Variants in ARID4B observed in about 807,000 individuals in gnomAD.
ARID4B encodes AT-rich interactive domain-containing protein 4B.
In ARID4B, 26 loss-of-function variants were observed where a neutral mutation model predicts 147.5. The ratio of observed to expected loss-of-function variants is 0.18; its 90% CI spans 0.13 to 0.24. The LOEUF (loss-of-function observed/expected upper bound fraction) is 0.24. ARID4B is among the 10% of genes least tolerant of loss of function. ARID4B has a pLI of 1.00. For missense variants in ARID4B, 1,179 were observed against 1,511.5 expected, an observed-to-expected ratio of 0.78 and a Z score of 3.65; for synonymous variants, 512 against 507.9, an observed-to-expected ratio of 1.01 and a Z score of -0.11.
At chr1:235,308,243 C>T (rs982321965) in intron 2 of ARID4B, among the ~76,000 whole-genome samples, 2 of 148,096 alleles carry the variant, frequency 1.4e-5, no homozygotes, top group African/African-American at 5.0e-5. Context: ...GGACCAGAAG[C>T]ACATGCTACC....
chr1:235,171,656 T>G (rs1182159965), intron 23 of ARID4B, among the ~76,000 whole-genome samples: 1 of 151,936 alleles, frequency 6.6e-6, no homozygotes, highest in African/African-American at 2.4e-5. Context: ...TTTTTTTTTT[T>G]GAGACAGAGT....
intron 2 of ARID4B, among the ~76,000 whole-genome samples, chr1:235,282,381 A>G (rs1043067582): frequency 2.0e-5 from 3 of 152,252 alleles, no homozygotes; most frequent in Non-Finnish European, 2.9e-5. Flanking sequence ...GATATAATCA[A>G]CGCAAAGCAA....
At chr1:235,326,841 G>T in intron 2 of ARID4B, 73 bp downstream of exon 2, 1 of 1,581,950 alleles carries the variant, frequency 6.3e-7, no homozygotes, top group South Asian at 1.1e-5. Context: ...AGCCCCACAC[G>T]ACGACCTCGT....
chr1:235,240,543 C>T, intron 7 of ARID4B, 92 bp from the exon 8 acceptor site: 1 of 1,224,222 alleles, frequency 8.2e-7, no homozygotes, highest in Non-Finnish European at 1.2e-6. Context: ...ACTCTTATTA[C>T]ATTTCCTAAG....
At chr1:235,248,723 TCC>T (rs1007476370) in intron 6 of ARID4B, among the ~76,000 whole-genome samples, 1 of 152,160 alleles carries the variant, frequency 6.6e-6, no homozygotes, top group African/African-American at 2.4e-5. Context: ...CCACAGTCTC[TCC>T]CTAGTACATA....
chr1:235,176,437 C>CAA (rs34808765), intron 21 of ARID4B, among the ~76,000 whole-genome samples: 383 of 22,512 alleles, frequency 0.017, 69 homozygotes, highest in Non-Finnish European at 0.027. Flanking sequence ...ACAACATCAC[C>CAA]AAAAAAAAAA....
At chr1:235,247,267 T>C (rs1479312918) in intron 6 of ARID4B, among the ~76,000 whole-genome samples, 1 of 152,120 alleles carries the variant, frequency 6.6e-6, no homozygotes, top group Non-Finnish European at 1.5e-5. Flanking sequence ...GACAGAGACT[T>C]CTTAAAGATA....
At chr1:235,288,341 C>T (rs759432309) in intron 2 of ARID4B, among the ~76,000 whole-genome samples, 1 of 152,138 alleles carries the variant, frequency 6.6e-6, no homozygotes, top group Non-Finnish European at 1.5e-5. Flanking sequence ...AATTACTACA[C>T]TCAATTCCCA....
intron 8 of ARID4B, among the ~76,000 whole-genome samples, chr1:235,238,153 AAAAAGAAAAG>A (rs1232349730): frequency 7.4e-4 from 105 of 141,814 alleles, no homozygotes; most frequent in African/African-American, 2.8e-3. Flanking sequence ...CAAAAAAAAA[AAAAAGAAAAG>A]AAAAGAAAAG....
intron 2 of ARID4B, among the ~76,000 whole-genome samples, chr1:235,310,322 A>G (rs1056823304): frequency 6.6e-6 from 1 of 152,234 alleles, no homozygotes; most frequent in Non-Finnish European, 1.5e-5. Flanking sequence ...AAAGCCATCA[A>G]AAAGTCACTA....
intron 6 of ARID4B, 145 bp from the exon 7 acceptor site, chr1:235,246,656 T>C (rs918210581): frequency 1.2e-5 from 7 of 568,390 alleles, no homozygotes; most frequent in African/African-American, 3.7e-5. Flanking sequence ...TTCCTAAAGA[T>C]AGAAAATTCT....
chr1:235,187,367 A>C (rs1396260948), intron 19 of ARID4B, among the ~76,000 whole-genome samples: 2 of 152,190 alleles, frequency 1.3e-5, no homozygotes, highest in Admixed American at 1.3e-4. Flanking sequence ...TACAGGTGTG[A>C]GCCACCGTGC....
chr1:235,200,003 G>GAAAA (rs61519256), intron 17 of ARID4B, among the ~76,000 whole-genome samples: 1 of 124,536 alleles, frequency 8.0e-6, no homozygotes, highest in Non-Finnish European at 1.7e-5. Context: ...AAAGAATAGG[G>GAAAA]AAAAAAAAAA....
rs1035262906 is a variant in ARID4B at position 235,181,974 on chromosome 1, A to C, written c.2945T>G (p.Val982Gly). Residue 982 changes from valine to glycine, a missense_variant, in exon 20 of 24, where the codon GTA becomes GGA. Val to Gly is a moderately radical substitution (Grantham distance 109, BLOSUM62 -3). Transcript: ENST00000264183. ...GACTGGAGGTGGTTTTTCTAGTTCTACACTGGGTGAACAACTCTCCTCTTC... is the reference window on the plus strand; with the variant it reads ...GACTGGAGGTGGTTTTTCTAGTTCTCCACTGGGTGAACAACTCTCCTCTTC... ...VAEEESCSPS[V>G]ELEKPPPVNV... 3 of 1,613,982 alleles carry C rather than the reference A, an allele frequency of 1.9e-6. No individual in the cohort carries two copies. Among genetic ancestry groups the C allele is most frequent in the African/African-American group, 2.7e-5 (2 of 74,882 alleles).
intron 22 of ARID4B, among the ~76,000 whole-genome samples, chr1:235,173,958 C>G (rs1663655800): frequency 6.7e-6 from 1 of 150,316 alleles, no homozygotes; most frequent in Non-Finnish European, 1.5e-5. Context: ...ATGGCAAAAC[C>G]TGTATCATCT....
intron 2 of ARID4B, among the ~76,000 whole-genome samples, chr1:235,302,342 G>T (rs1673239773): frequency 6.9e-6 from 1 of 144,424 alleles, no homozygotes; most frequent in Non-Finnish European, 1.5e-5. Flanking sequence ...AAGGAGGGGA[G>T]GGGAGGGGAG....
rs1264639419 is a variant in ARID4B at position 235,221,677 on chromosome 1, G to C, written c.1066-15C>G. 6.8e-7 allele frequency: 1 copy of C among 1,465,808 alleles called. No homozygotes were observed. Among genetic ancestry groups the C allele is most frequent in the East Asian group, 2.3e-5 (1 of 43,994 alleles). The allele number at this position is 1,465,808 out of a possible 1,614,324, so 90.8% of individuals were successfully genotyped here. A position where few individuals can be genotyped will look rare whatever the true frequency, so the allele number is the denominator to read the frequency against. On this transcript the variant is annotated splice_polypyrimidine_tract_variant and intron_variant, in intron 13 of 23. Coordinates refer to ENST00000264183, the MANE Select transcript of ARID4B (RefSeq NM_016374.6). ...CCACTTTCAATCTAATGGACAAAGT[G>C]AAACAAAAACTCTCAAATTAAAAGG... is the stretch of plus-strand genomic sequence containing the variant.
intron 13 of ARID4B, among the ~76,000 whole-genome samples, chr1:235,222,124 C>A (rs1043684056): frequency 1.3e-5 from 2 of 151,788 alleles, no homozygotes; most frequent in Non-Finnish European, 2.9e-5. Context: ...GTTGCCCAGG[C>A]GGGTCTCAAA....
rs765733853 is a variant in ARID4B, at chr1:235,172,654, G to A, written c.3775C>T (p.Arg1259Trp). ...SLKSEVASIDRRRKRLKKKER... is the reference protein window; with the variant it reads ...SLKSEVASIDWRRKRLKKKER... ...TTCTTCTTTAAACGCTTTCTCCTCC[G>A]ATCAATGGAAGCTACTTCAGATTTT... The change falls in exon 23 of 24, where the codon CGG (arginine) becomes TGG (tryptophan). Residue 1259 changes from arginine (R) to tryptophan (W), a missense_variant. By Grantham distance (101) the Arg-to-Trp change is moderately radical. Around this residue, in one of 10 missense-constraint regions of ARID4B, gnomAD observed 357 missense variants for 427.3 expected, o/e 0.84. Transcript: ENST00000264183. The A allele has an allele frequency of 3.8e-6, 6 of 1,594,512 alleles. No homozygotes were observed. Among genetic ancestry groups the A allele is most frequent in the Non-Finnish European group, 5.1e-6 (6 of 1,172,748 alleles).
Sources: gnomAD v4.1 joint callset for allele counts (sites outside exome capture counted in the v4.1 genomes callset) on GRCh38, gnomAD v4.1.1 for gene constraint, gnomAD v4.1.1 regional missense constraint, MANE v1.5 for transcripts, NCBI Gene and HGNC (gene_info 2026-07-23, HGNC 2026-07-21) for gene names.